The following CSMD1 variants were observed in gnomAD, a reference collection of about 807,000 sequenced individuals.
CSMD1 encodes CUB and sushi domain-containing protein 1.
In CSMD1, 213 loss-of-function variants were observed where a neutral mutation model predicts 417.5. The observed-to-expected ratio is 0.51, with a 90% CI of 0.46 to 0.57. The LOEUF is 0.57. Among genes scored for constraint, CSMD1 ranks in the 20% least tolerant of loss-of-function variants. The probability of loss-of-function intolerance (pLI) is 0.00; values close to 1 mark genes in which losing one functional copy is unlikely to be tolerated. For synonymous variants in CSMD1, 2,862 were observed against 1,736.8 expected, an observed-to-expected ratio of 1.65 and a Z score of -16.11; for missense variants, 6,923 against 4,529.7, an observed-to-expected ratio of 1.53 and a Z score of -15.17.
intron 4 of CSMD1, among the ~76,000 whole-genome samples, chr8:4,020,143 G>C (rs564912968): frequency 6.6e-6 from 1 of 152,016 alleles, no homozygotes; most frequent in South Asian, 2.1e-4. Context: ...TTTTACCTGG[G>C]TTATGCCATT....
chr8:3,119,839 T>G (rs1347370976), intron 41 of CSMD1, among the ~76,000 whole-genome samples: 3 of 152,164 alleles, frequency 2.0e-5, no homozygotes, highest in Non-Finnish European at 4.4e-5. Context: ...GTAATTCTGC[T>G]GAAACCAACC....
At chr8:4,852,400 C>T (rs999894091) in intron 1 of CSMD1, among the ~76,000 whole-genome samples, 2 of 152,100 alleles carry the variant, frequency 1.3e-5, no homozygotes, top group African/African-American at 4.8e-5. Flanking sequence ...CTCTCTCGTT[C>T]TCACTCTTGC....
At chr8:4,201,895 G>GT (rs1799669603) in intron 3 of CSMD1, among the ~76,000 whole-genome samples, 1 of 147,510 alleles carries the variant, frequency 6.8e-6, no homozygotes, top group Non-Finnish European at 1.5e-5. Context: ...TTTGGGGGGG[G>GT]GGGGCGCTGC....
At chr8:4,821,746 T>G (rs1427906972) in intron 1 of CSMD1, among the ~76,000 whole-genome samples, 2 of 152,118 alleles carry the variant, frequency 1.3e-5, no homozygotes, top group Non-Finnish European at 2.9e-5. Flanking sequence ...GTGTTATAAG[T>G]GATGTTACCT....
intron 5 of CSMD1, among the ~76,000 whole-genome samples, chr8:3,985,287 T>C (rs1352824243): frequency 2.0e-5 from 3 of 152,164 alleles, no homozygotes; most frequent in African/African-American, 7.2e-5. Context: ...ACAAAGCACA[T>C]TTGCAGATAA....
At chr8:3,978,283 T>C (rs1391033428) in intron 5 of CSMD1, among the ~76,000 whole-genome samples, 1 of 152,196 alleles carries the variant, frequency 6.6e-6, no homozygotes, top group Non-Finnish European at 1.5e-5. Context: ...CAGTCACCCC[T>C]GTAACCACAC....
At chr8:4,020,849 T>C (rs943804268) in intron 4 of CSMD1, among the ~76,000 whole-genome samples, 1 of 152,228 alleles carries the variant, frequency 6.6e-6, no homozygotes, top group African/African-American at 2.4e-5. Flanking sequence ...ATCTTTTGCC[T>C]AAACTAATTT....
chr8:3,487,713 C>G (rs1283278437), intron 11 of CSMD1, among the ~76,000 whole-genome samples: 2 of 152,078 alleles, frequency 1.3e-5, no homozygotes, highest in African/African-American at 2.4e-5. Flanking sequence ...AAGGCGGGTC[C>G]CTTTTTAATG....
chr8:4,763,489 T>C (rs897447837), intron 1 of CSMD1, among the ~76,000 whole-genome samples: 7 of 152,184 alleles, frequency 4.6e-5, no homozygotes, highest in African/African-American at 1.4e-4. Flanking sequence ...AATCATTCAA[T>C]AATTTATTGA....
chr8:2,963,636 G>C (rs113613385), intron 59 of CSMD1, among the ~76,000 whole-genome samples: 275 of 152,280 alleles, frequency 1.8e-3, no homozygotes, highest in African/African-American at 6.4e-3. Flanking sequence ...AAACATATAG[G>C]ATTGAACATG....
intron 5 of CSMD1, among the ~76,000 whole-genome samples, chr8:3,826,220 G>C (rs901572355): frequency 1.3e-5 from 2 of 152,106 alleles, no homozygotes; most frequent in Non-Finnish European, 2.9e-5. Flanking sequence ...GGACACAGTT[G>C]CTAGAAAGAT....
intron 2 of CSMD1, among the ~76,000 whole-genome samples, chr8:4,468,290 A>C (rs548301833): frequency 6.6e-6 from 1 of 152,292 alleles, no homozygotes; most frequent in African/African-American, 2.4e-5. Context: ...AAGGAACTTG[A>C]GAAAGTGTTG....
chr8:4,372,258 C>T (rs1379681637), intron 3 of CSMD1, among the ~76,000 whole-genome samples: 1 of 152,130 alleles, frequency 6.6e-6, no homozygotes, highest in African/African-American at 2.4e-5. Flanking sequence ...AGATACATAA[C>T]GTCGGCTCTC....
chr8:3,374,366 A>C (rs62503509), intron 18 of CSMD1, among the ~76,000 whole-genome samples: 1 of 151,994 alleles, frequency 6.6e-6, no homozygotes, highest in African/African-American at 2.4e-5. Context: ...ATGTTTTCCA[A>C]ACACTCATTG....
chr8:4,456,862 G>A (rs1180857323), intron 2 of CSMD1, among the ~76,000 whole-genome samples: 1 of 151,888 alleles, frequency 6.6e-6, no homozygotes, highest in East Asian at 1.9e-4. Context: ...GCCTGGCCCT[G>A]GGCACTGGCT....
intron 4 of CSMD1, among the ~76,000 whole-genome samples, chr8:4,030,902 A>C (rs1299070896): frequency 1.3e-5 from 2 of 152,188 alleles, no homozygotes; most frequent in Admixed American, 6.5e-5. Flanking sequence ...TCAAAGTTCC[A>C]CAACTCTCTA....
intron 6 of CSMD1, among the ~76,000 whole-genome samples, chr8:3,729,540 G>C (rs1284647728): frequency 1.3e-5 from 2 of 152,148 alleles, no homozygotes; most frequent in East Asian, 1.9e-4. Flanking sequence ...AATCGAAGTG[G>C]GCCTTGACAA....
At chr8:3,374,863 A>G (rs1810206809) in intron 18 of CSMD1, among the ~76,000 whole-genome samples, 2 of 152,150 alleles carry the variant, frequency 1.3e-5, no homozygotes, top group Non-Finnish European at 2.9e-5. Context: ...AGACCCTGCC[A>G]AAGTCTTCTA....
chr8:4,433,489 A>G (rs1037818728), intron 2 of CSMD1, among the ~76,000 whole-genome samples: 4 of 152,206 alleles, frequency 2.6e-5, no homozygotes, highest in African/African-American at 9.6e-5. Context: ...AAGCGCGGCC[A>G]AGTGTTTCCC....
Sources: gnomAD v4.1 joint callset for allele counts (sites outside exome capture counted in the v4.1 genomes callset) on GRCh38, gnomAD v4.1.1 for gene constraint, MANE v1.5 for transcripts, NCBI Gene and HGNC (gene_info 2026-07-23, HGNC 2026-07-21) for gene names.